The following LYST variants were observed in gnomAD, a reference collection of about 807,000 sequenced individuals.
LYST encodes lysosomal trafficking regulator.
LYST carries 192 observed loss-of-function variants against 413.6 expected under a neutral mutation model. That is an observed-to-expected ratio of 0.46 (90% CI 0.41 to 0.52). LYST has a LOEUF of 0.52. Among genes scored for constraint, LYST ranks in the 20% least tolerant of loss-of-function variants. The pLI is 0.00. For missense variants in LYST, 3,815 were observed against 4,499.9 expected, an observed-to-expected ratio of 0.85 and a Z score of 4.35; for synonymous variants, 1,525 against 1,567.3, an observed-to-expected ratio of 0.97 and a Z score of 0.64.
intron 7 of LYST, 25 bp downstream of exon 7, chr1:235,804,479 C>A: frequency 6.3e-7 from 1 of 1,594,036 alleles, no homozygotes; most frequent in Non-Finnish European, 8.6e-7. Flanking sequence ...ACCCAAAGAA[C>A]ACAACTATAT....
chr1:235,759,321 C>G lies in LYST; in HGVS notation c.6532G>C (p.Glu2178Gln). 1 of 1,614,172 alleles carries G rather than the reference C, an allele frequency of 6.2e-7. No homozygotes were observed. Among genetic ancestry groups the G allele is most frequent in the Non-Finnish European group, 8.5e-7 (1 of 1,180,022 alleles). ...GAGACCTGGGCTGAGAGGACAGCTT[C>G]CATTTCACAAACAGTTTTTGCAGAC... Reference protein sequence around the residue: ...CESAKTVCEMEAVLSAQVSVS... With the variant: ...CESAKTVCEMQAVLSAQVSVS... Residue 2178 changes from glutamate to glutamine, a missense_variant, in exon 23 of 53, where the codon GAA (glutamate) becomes CAA (glutamine). Around this residue, in one of 4 missense-constraint regions of LYST, gnomAD observed 771 missense variants for 837.1 expected, o/e 0.92. Coordinates refer to ENST00000389793, the MANE Select transcript of LYST (RefSeq NM_000081.4).
chr1:235,737,954 G>C, intron 31 of LYST: 17 of 1,269,786 alleles, frequency 1.3e-5, no homozygotes, highest in Middle Eastern at 3.2e-4. Flanking sequence ...ACACCCGCCG[G>C]ACGTGCATTC....
chr1:235,752,208 A>G (rs572634281), intron 26 of LYST, 37 bp from the exon 27 acceptor site: 2 of 1,482,056 alleles, frequency 1.3e-6, no homozygotes, highest in Admixed American at 3.4e-5. Flanking sequence ...CAGAACATTT[A>G]TAAGAAAAAG....
intron 50 of LYST, among the ~76,000 whole-genome samples, chr1:235,670,546 G>A (rs939296474): frequency 1.3e-5 from 2 of 152,172 alleles, no homozygotes; most frequent in Non-Finnish European, 2.9e-5. Flanking sequence ...AAGAATGAGG[G>A]ATTGAGACCC....
chr1:235,684,804 T>G (rs949001159), intron 48 of LYST, among the ~76,000 whole-genome samples: 5 of 152,042 alleles, frequency 3.3e-5, no homozygotes, highest in Admixed American at 6.6e-5. Flanking sequence ...TTTTTGTTTT[T>G]TTTTGGTAGA....
chr1:235,767,438 A>T (rs762460421), intron 20 of LYST, among the ~76,000 whole-genome samples: 3 of 152,102 alleles, frequency 2.0e-5, no homozygotes, highest in Admixed American at 6.6e-5. Flanking sequence ...AAAGACTAAG[A>T]CAGGAACATA....
intron 31 of LYST, chr1:235,735,341 T>C (rs1664727417): frequency 6.6e-6 from 1 of 152,056 alleles, no homozygotes; most frequent in African/African-American, 2.4e-5. Flanking sequence ...GAACAAAAGG[T>C]GAAAAACTCG....
chr1:235,682,053 G>A (rs1244601192), intron 48 of LYST, among the ~76,000 whole-genome samples: 1 of 152,172 alleles, frequency 6.6e-6, no homozygotes, highest in Non-Finnish European at 1.5e-5. Context: ...GCTCACGTCT[G>A]TAATGCAAGC....
intron 14 of LYST, among the ~76,000 whole-genome samples, chr1:235,784,159 C>T (rs1197051269): frequency 1.3e-5 from 2 of 152,166 alleles, no homozygotes; most frequent in South Asian, 2.1e-4. Flanking sequence ...GGATTACAGG[C>T]ATGAAGCACC....
At chr1:235,737,505 G>A (rs761398316) in intron 31 of LYST, 1 of 152,126 alleles carries the variant, frequency 6.6e-6, no homozygotes, top group Non-Finnish European at 1.5e-5. Context: ...CTCCTTAAAA[G>A]GATATAAGGT....
intron 27 of LYST, 31 bp downstream of exon 27, chr1:235,751,974 C>T: frequency 6.6e-7 from 1 of 1,521,216 alleles, no homozygotes; most frequent in Non-Finnish European, 9.1e-7. Flanking sequence ...TATACAACTC[C>T]CTCCCCAAAT....
At chr1:235,696,602 C>T (rs192587760) in intron 46 of LYST, among the ~76,000 whole-genome samples, 41 of 152,352 alleles carry the variant, frequency 2.7e-4, no homozygotes, top group African/African-American at 9.4e-4. Context: ...CTGCACAGCA[C>T]TTTCCCACAT....
chr1:235,737,916 A>ATATTCGCG, intron 31 of LYST: 5 of 1,163,404 alleles, frequency 4.3e-6, no homozygotes, highest in Admixed American at 8.8e-5. Flanking sequence ...GCTGCCGACG[A>ATATTCGCG]GTCTGGATCT....
chr1:235,744,031 G>A lies in LYST; in HGVS notation c.8099C>T (p.Pro2700Leu), dbSNP rs867837007. The change falls in exon 30 of 53, where the codon CCA becomes CTA. Residue 2700 changes from proline to leucine, a missense_variant. Pro to Leu is a moderately conservative substitution (Grantham distance 98). Coordinates refer to ENST00000389793, the MANE Select transcript of LYST (RefSeq NM_000081.4). Reference sequence around the variant, plus strand: ...ATATGTAAAAATTTCTTTCTGAAATGGATTGAAAACAGAAGACTGTTCATG... The same window carrying A: ...ATATGTAAAAATTTCTTTCTGAAATAGATTGAAAACAGAAGACTGTTCATG... ...IHHEQSSVFN[P>L]FQKEIFTYLV... 2 of 1,565,904 alleles carry A rather than the reference G, an allele frequency of 1.3e-6. No individual in the cohort carries two copies. Among genetic ancestry groups the A allele is most frequent in the Non-Finnish European group, 1.8e-6 (2 of 1,137,364 alleles).
At chr1:235,718,378 A>G (rs1663040474) in intron 40 of LYST, among the ~76,000 whole-genome samples, 2 of 148,430 alleles carry the variant, frequency 1.3e-5, no homozygotes. Flanking sequence ...TTTTTTTTTC[A>G]GACAGTTTCA....
chr1:235,780,670 T>C (rs1669774330), intron 16 of LYST, among the ~76,000 whole-genome samples, 195 bp downstream of exon 16: 1 of 151,794 alleles, frequency 6.6e-6, no homozygotes, highest in South Asian at 2.1e-4. Flanking sequence ...GAGATATAAA[T>C]ATAAAGCCTG....
chr1:235,794,433 T>A (rs1671345411), intron 10 of LYST, among the ~76,000 whole-genome samples: 1 of 152,184 alleles, frequency 6.6e-6, no homozygotes, highest in South Asian at 2.1e-4. Context: ...ATATACAAAT[T>A]CATAGAATTC....
chr1:235,855,006 C>CATAATTTTGG (rs1678993056), intron 1 of LYST, among the ~76,000 whole-genome samples: 1 of 152,152 alleles, frequency 6.6e-6, no homozygotes, highest in South Asian at 2.1e-4. Flanking sequence ...TCCAAACTCC[C>CATAATTTTGG]AACACATAAC....
chr1:235,788,609 T>C, intron 13 of LYST, 92 bp downstream of exon 13: 1 of 1,226,324 alleles, frequency 8.2e-7, no homozygotes. Context: ...TTTGCTATAA[T>C]GAACTTTTAT....
Sources: allele counts gnomAD v4.1 joint callset (sites outside exome capture counted in the v4.1 genomes callset), GRCh38; gene constraint gnomAD v4.1.1; regional missense constraint gnomAD v4.1.1; transcripts MANE v1.5; gene names NCBI Gene and HGNC (gene_info 2026-07-23, HGNC 2026-07-21).